The following TRPC6 variants were observed in gnomAD, a reference collection of about 807,000 sequenced individuals.
The protein encoded by TRPC6 is transient receptor potential cation channel subfamily C member 6, also known as short transient receptor potential channel 6.
A neutral mutation model predicts 90.7 loss-of-function variants in TRPC6; 55 were observed. The observed-to-expected ratio is 0.61, with a 90% CI of 0.49 to 0.76. The LOEUF (loss-of-function observed/expected upper bound fraction) is 0.76. TRPC6 is among the 30% of genes least tolerant of loss of function. TRPC6 has a pLI of 0.00. For missense variants in TRPC6, 989 were observed against 1,122.7 expected (o/e 0.88, Z 1.70); for synonymous variants, 393 against 393.0 (o/e 1.00, Z 0.00).
In TRPC6 at chr11:101,476,562, A is replaced by G. The variant is rs200167584; in HGVS notation, c.1511-28T>C. On this transcript the variant is annotated intron_variant, in intron 5 of 12. Coordinates refer to ENST00000344327, the MANE Select transcript of TRPC6 (RefSeq NM_004621.6). The stretch of plus-strand genomic sequence containing the variant: ...GCATCAGAAAGGGGTTAAAATATCA[A>G]TTCAATCGCATTCAGCCTTAGCTGT... The G allele has an allele frequency of 3.9e-5, 61 of 1,547,310 alleles. No individual in the cohort carries two copies. The African/African-American group carries it at 7.3e-4, about 19-fold the overall frequency.
chr11:101,456,255 A>G (rs1212401701), intron 10 of TRPC6, among the ~76,000 whole-genome samples: 1 of 152,204 alleles, frequency 6.6e-6, no homozygotes, highest in Non-Finnish European at 1.5e-5. Flanking sequence ...AAGATGCTTC[A>G]ACTTTCTATA....
At position 101,583,429 on chromosome 11, in the gene TRPC6, G is replaced by A. The variant is rs201051533; in HGVS notation, c.75C>T (p.Arg25=). Residue 25 remains arginine (R), a synonymous_variant, in exon 1 of 13, where the codon CGC becomes CGT. Coordinates refer to ENST00000344327, the MANE Select transcript of TRPC6 (RefSeq NM_004621.6). ...PRGAAGAAAR[R]NESQDYLLMD... ...TGAGCAGATAGTCCTGGCTCTCGTT[G>A]CGCCGCGCAGCGGCTCCGGCAGCGC... is the stretch of plus-strand genomic sequence containing the variant. The A allele has an allele frequency of 4.2e-5, 66 of 1,554,938 alleles. No individual in the cohort carries two copies. In the African/African-American group the frequency reaches 6.5e-4, roughly 15 times the overall value.
intron 5 of TRPC6, among the ~76,000 whole-genome samples, chr11:101,479,996 T>C (rs1859513220): frequency 6.6e-6 from 1 of 152,084 alleles, no homozygotes; most frequent in Non-Finnish European, 1.5e-5. Context: ...TGGACCAACA[T>C]GGAGAAACCC....
chr11:101,503,329 G>T (rs1860175911), intron 2 of TRPC6, among the ~76,000 whole-genome samples: 1 of 152,110 alleles, frequency 6.6e-6, no homozygotes. Context: ...TTTTGTTTTT[G>T]CTGGTACACC....
chr11:101,509,755 T>A (rs1191378269), intron 1 of TRPC6, among the ~76,000 whole-genome samples: 3 of 152,166 alleles, frequency 2.0e-5, no homozygotes, highest in South Asian at 2.1e-4. Context: ...CTGTCTTAGT[T>A]GTTGTGACCA....
intron 1 of TRPC6, among the ~76,000 whole-genome samples, chr11:101,518,182 T>G (rs913449934): frequency 6.6e-6 from 1 of 152,148 alleles, no homozygotes; most frequent in Non-Finnish European, 1.5e-5. Context: ...CCCTCTTTGG[T>G]CTTCTGTTTC....
At chr11:101,557,978 T>C (rs909320200) in intron 1 of TRPC6, among the ~76,000 whole-genome samples, 1 of 152,126 alleles carries the variant, frequency 6.6e-6, no homozygotes. Context: ...ACAGATTCAA[T>C]GCAATCCTTT....
chr11:101,521,926 C>T (rs61916050), intron 1 of TRPC6, among the ~76,000 whole-genome samples: 3,390 of 152,350 alleles, frequency 0.022, 58 homozygotes, highest in Non-Finnish European at 0.03. Context: ...GCCTGTACCC[C>T]TGTCGCATCT....
intron 9 of TRPC6, 152 bp downstream of exon 9, chr11:101,471,031 A>G: frequency 1.4e-6 from 1 of 727,322 alleles, no homozygotes; most frequent in East Asian, 2.5e-5. Flanking sequence ...TTGAACAGAC[A>G]CAAGCCAAAG....
At chr11:101,467,248 C>G (rs950620074) in intron 10 of TRPC6, among the ~76,000 whole-genome samples, 5 of 152,096 alleles carry the variant, frequency 3.3e-5, no homozygotes, top group African/African-American at 1.2e-4. Flanking sequence ...TGATTTTTAA[C>G]TGGACCCCTT....
intron 1 of TRPC6, among the ~76,000 whole-genome samples, chr11:101,565,565 G>A (rs1442452567): frequency 1.3e-5 from 2 of 151,920 alleles, no homozygotes; most frequent in African/African-American, 4.8e-5. Context: ...CAAACTGGAA[G>A]GGGAATTTTT....
rs542104277 is a variant in TRPC6 at position 101,540,894 on chromosome 11, A to G, written c.171-36096T>C. Among the ~76,000 whole-genome samples, 8 of 152,298 alleles carry G rather than the reference A, an allele frequency of 5.3e-5. No homozygotes were observed. The South Asian group carries it at 1.7e-3, about 32-fold the overall frequency. ...CACGCAGGAATCGTGAGGATTAAAT[A>G]TAACCTACACAAAAACCTGCAAGGA... On this transcript the variant is annotated intron_variant, in intron 1 of 12. Coordinates refer to ENST00000344327, the MANE Select transcript of TRPC6 (RefSeq NM_004621.6).
intron 1 of TRPC6, among the ~76,000 whole-genome samples, chr11:101,561,054 T>C (rs1861700885): frequency 6.6e-6 from 1 of 152,068 alleles, no homozygotes; most frequent in Non-Finnish European, 1.5e-5. Context: ...TTCTAAAATA[T>C]ATCAGATACA....
Position 101,489,113 on chromosome 11 carries a change from G to A in TRPC6, c.1129-12C>T, listed in dbSNP as rs1859743658. 1.2e-6 allele frequency: 2 copies of A among 1,613,618 alleles called. No individual in the cohort carries two copies. Among genetic ancestry groups the A allele is most frequent in the East Asian group, 4.5e-5 (2 of 44,866 alleles). ...GGATGAGCTACAAACTAGCAGGGAA[G>A]TGACAAAATATTTAAATTTGACTAA... On this transcript the variant is annotated splice_polypyrimidine_tract_variant and intron_variant, in intron 3 of 12. Transcript: ENST00000344327.
chr11:101,567,216 G>C (rs982936583), intron 1 of TRPC6, among the ~76,000 whole-genome samples: 1 of 152,104 alleles, frequency 6.6e-6, no homozygotes, highest in African/African-American at 2.4e-5. Context: ...GCTTGAGGGG[G>C]CGGTTTTATC....
At chr11:101,582,609 C>A (rs751439499) in intron 1 of TRPC6, among the ~76,000 whole-genome samples, 1 of 152,114 alleles carries the variant, frequency 6.6e-6, no homozygotes, top group African/African-American at 2.4e-5. Flanking sequence ...CTTGCAGTTA[C>A]CCACAGCCCA....
At chr11:101,506,370 T>C (rs1860266448) in intron 1 of TRPC6, among the ~76,000 whole-genome samples, 1 of 152,188 alleles carries the variant, frequency 6.6e-6, no homozygotes, top group Non-Finnish European at 1.5e-5. Flanking sequence ...TTGCTTTCCC[T>C]ACTGGCCTTT....
At chr11:101,466,703 A>G (rs750176627) in intron 10 of TRPC6, among the ~76,000 whole-genome samples, 7 of 152,054 alleles carry the variant, frequency 4.6e-5, no homozygotes, top group Non-Finnish European at 7.4e-5. Context: ...CCCCCTTTCC[A>G]GGGGAGTGAA....
chr11:101,458,270 T>A (rs182355081), intron 10 of TRPC6, among the ~76,000 whole-genome samples: 1 of 152,292 alleles, frequency 6.6e-6, no homozygotes, highest in Admixed American at 6.5e-5. Context: ...CCTAGAGATA[T>A]TTTGCCAAAT....
Sources: gnomAD v4.1 joint callset for allele counts (sites outside exome capture counted in the v4.1 genomes callset) on GRCh38, gnomAD v4.1.1 for gene constraint, MANE v1.5 for transcripts, NCBI Gene and HGNC (gene_info 2026-07-23, HGNC 2026-07-21) for gene names.